The following PITPNB variants were observed in gnomAD, a reference collection of about 807,000 sequenced individuals.
The protein encoded by PITPNB is phosphatidylinositol transfer protein beta isoform.
PITPNB carries 16 observed loss-of-function variants against 45.9 expected under a neutral mutation model. The ratio of observed to expected loss-of-function variants is 0.35; its 90% CI spans 0.24 to 0.53. The LOEUF (loss-of-function observed/expected upper bound fraction) is 0.53. Among genes scored for constraint, PITPNB ranks in the 20% least tolerant of loss-of-function variants. The pLI, the probability that PITPNB is intolerant of heterozygous loss-of-function variation, is 0.93. For missense variants in PITPNB, 188 were observed against 330.5 expected (o/e 0.57, Z 3.34); for synonymous variants, 112 against 108.9 (o/e 1.03, Z -0.18).
At chr22:27,905,654 T>C (rs1935734325) in intron 3 of PITPNB, among the ~76,000 whole-genome samples, 1 of 152,346 alleles carries the variant, frequency 6.6e-6, no homozygotes, top group Non-Finnish European at 1.5e-5. Context: ...AAACCTCTTC[T>C]GTTTCGACCT....
At chr22:27,867,654 A>C (rs539798678) in intron 8 of PITPNB, among the ~76,000 whole-genome samples, 1 of 152,318 alleles carries the variant, frequency 6.6e-6, no homozygotes, top group Admixed American at 6.5e-5. Context: ...ATTTTCAAGT[A>C]AAACCCCAAG....
intron 7 of PITPNB, among the ~76,000 whole-genome samples, chr22:27,883,688 T>G (rs1264980208): frequency 6.6e-6 from 1 of 152,174 alleles, no homozygotes; most frequent in Non-Finnish European, 1.5e-5. Flanking sequence ...AGCTCTGAAG[T>G]TAGCTAAAAA....
chr22:27,901,139 A>T (rs1446373530), intron 3 of PITPNB, among the ~76,000 whole-genome samples: 2 of 152,212 alleles, frequency 1.3e-5, no homozygotes, highest in African/African-American at 4.8e-5. Flanking sequence ...GCTGCTTAAG[A>T]GTGAAGAGTT....
intron 1 of PITPNB, among the ~76,000 whole-genome samples, chr22:27,917,942 G>A (rs530128179): frequency 1.3e-5 from 2 of 152,294 alleles, no homozygotes; most frequent in Admixed American, 1.3e-4. Flanking sequence ...GCAAAGACCT[G>A]GAAGAAGGTG....
chr22:27,898,585 C>G (rs1415403204), intron 3 of PITPNB, among the ~76,000 whole-genome samples: 1 of 151,668 alleles, frequency 6.6e-6, no homozygotes, highest in African/African-American at 2.4e-5. Context: ...GCAAAAAGCC[C>G]CAGAATAAGG....
At chr22:27,894,682 A>T (rs925671460) in intron 6 of PITPNB, 44 bp from the exon 7 acceptor site, 8 of 1,109,710 alleles carry the variant, frequency 7.2e-6, no homozygotes, top group Non-Finnish European at 1.1e-5. Context: ...ACTGTAGATT[A>T]TTCTATTATG....
chr22:27,894,714 TTGA>T, intron 6 of PITPNB, 76 bp from the exon 7 acceptor site: 1 of 816,682 alleles, frequency 1.2e-6, no homozygotes, highest in Admixed American at 2.0e-5. Context: ...AATCTTTATC[TTGA>T]GTCTCTCAGG....
At chr22:27,854,795 TG>T in intron 11 of PITPNB, 58 bp downstream of exon 11, 1 of 912,504 alleles carries the variant, frequency 1.1e-6, no homozygotes, top group Non-Finnish European at 1.7e-6. Context: ...GCAAGTTAAC[TG>T]CCCATCACCA....
Position 27,893,584 on chromosome 22 carries a change from T to C in PITPNB, c.456+971A>G, listed in dbSNP as rs866243525. Among the ~76,000 whole-genome samples, 1,054 of 111,938 alleles carry C rather than the reference T, an allele frequency of 9.4e-3. 2 individuals carry two copies. The highest frequency in any genetic ancestry group is 0.014 in the Middle Eastern group (3 of 214). The allele number at this position is 111,938 out of a possible 152,430, so 73.4% of individuals were successfully genotyped here. On this transcript the variant is annotated intron_variant, in intron 7 of 11. Coordinates refer to ENST00000335272, the MANE Select transcript of PITPNB (RefSeq NM_012399.5). ...AGGCTTGAGCCACCATGTCTAGCCTTTTTTTTTTTTTTTTTTTTTTTTTGA... is the reference window on the plus strand; with the variant it reads ...AGGCTTGAGCCACCATGTCTAGCCTCTTTTTTTTTTTTTTTTTTTTTTTGA...
intron 7 of PITPNB, among the ~76,000 whole-genome samples, chr22:27,879,587 A>G (rs749306358): frequency 9.9e-5 from 15 of 152,176 alleles, no homozygotes; most frequent in Admixed American, 9.2e-4. Context: ...TTTATATATT[A>G]TAACACTTAA....
At chr22:27,894,299 G>A (rs1935373294) in intron 7 of PITPNB, 1 of 311,954 alleles carries the variant, frequency 3.2e-6, no homozygotes, top group Non-Finnish European at 5.8e-6. Flanking sequence ...CATTTCCCAG[G>A]TATACTGGGA....
intron 3 of PITPNB, among the ~76,000 whole-genome samples, chr22:27,905,163 G>A (rs1165020409): frequency 6.7e-6 from 1 of 149,676 alleles, no homozygotes; most frequent in Non-Finnish European, 1.5e-5. Flanking sequence ...TACTTTTTTT[G>A]TTTGAGACGG....
Position 27,918,705 on chromosome 22 carries a change from G to C in PITPNB, c.20+467C>G, listed in dbSNP as rs533960122. Among the ~76,000 whole-genome samples the C allele has an allele frequency of 2.6e-5, 4 of 152,302 alleles. No homozygotes were observed. In the South Asian group the frequency reaches 6.2e-4, roughly 24 times the overall value. On this transcript the variant is annotated intron_variant, in intron 1 of 11. Coordinates refer to ENST00000335272, the MANE Select transcript of PITPNB (RefSeq NM_012399.5). Reference sequence around the variant, plus strand: ...TCCCACCGCGAGTCCTGACACGAGGGCTGCCTTCAACCGGCAAGCCCATCT... The same window carrying C: ...TCCCACCGCGAGTCCTGACACGAGGCCTGCCTTCAACCGGCAAGCCCATCT...
At chr22:27,896,531 A>C (rs780014050) in intron 6 of PITPNB, 21 bp downstream of exon 6, 1 of 1,544,242 alleles carries the variant, frequency 6.5e-7, no homozygotes, top group Non-Finnish European at 9.0e-7. Flanking sequence ...TTTGTACTAA[A>C]AGTGCAGAGT....
intron 3 of PITPNB, among the ~76,000 whole-genome samples, chr22:27,904,176 T>G (rs1015935664): frequency 2.6e-5 from 4 of 152,262 alleles, no homozygotes; most frequent in African/African-American, 9.6e-5. Flanking sequence ...CACAAAAAAG[T>G]ATGCACAAAT....
At chr22:27,869,742 ACTT>A (rs1202406041) in intron 8 of PITPNB, among the ~76,000 whole-genome samples, 1 of 152,198 alleles carries the variant, frequency 6.6e-6, no homozygotes, top group Non-Finnish European at 1.5e-5. Context: ...TTGATTGTGC[ACTT>A]CTTCTGTGCT....
At position 27,854,945 on chromosome 22, in the gene PITPNB, C is replaced by T. The variant is rs200533083; in HGVS notation, c.769-6G>A. ...ACGGAACCCCTCTTACGCATCTAAA[C>T]GTAAAATAAAATTGTGAGCTGCTGA... On this transcript the variant is annotated splice_region_variant and splice_polypyrimidine_tract_variant and intron_variant, in intron 10 of 11. Coordinates refer to ENST00000335272, the MANE Select transcript of PITPNB (RefSeq NM_012399.5). The T allele has an allele frequency of 0.024, 38,713 of 1,609,196 alleles. 591 individuals carry two copies. Among genetic ancestry groups the T allele is most frequent in the Middle Eastern group, 0.036 (220 of 6,046 alleles).
intron 3 of PITPNB, among the ~76,000 whole-genome samples, chr22:27,909,005 T>C (rs1935841233): frequency 6.6e-6 from 1 of 151,860 alleles, no homozygotes; most frequent in Non-Finnish European, 1.5e-5. Flanking sequence ...AGTAGCAGAG[T>C]TAAGCTGAGG....
At chr22:27,905,265 A>T (rs1734174206) in intron 3 of PITPNB, among the ~76,000 whole-genome samples, 1 of 152,194 alleles carries the variant, frequency 6.6e-6, no homozygotes, top group Admixed American at 6.5e-5. Context: ...CTCCTGCCTC[A>T]GCCTCCCAAG....
Sources: gnomAD v4.1 joint callset for allele counts (sites outside exome capture counted in the v4.1 genomes callset) on GRCh38, gnomAD v4.1.1 for gene constraint, MANE v1.5 for transcripts, NCBI Gene and HGNC (gene_info 2026-07-23, HGNC 2026-07-21) for gene names.